Variants in ASH2L observed in about 807,000 individuals in gnomAD.
ASH2L encodes the protein ASH2 like, histone lysine methyltransferase complex subunit.
ASH2L carries 30 observed loss-of-function variants against 81.1 expected under a neutral mutation model. The ratio of observed to expected loss-of-function variants is 0.37; its 90% CI spans 0.28 to 0.50. The LOEUF (loss-of-function observed/expected upper bound fraction) is 0.50, where lower values mean the gene tolerates loss of function less well. Among genes scored for constraint, ASH2L ranks in the 20% least tolerant of loss-of-function variants. ASH2L has a pLI of 0.95. For missense variants in ASH2L, 559 were observed against 792.1 expected (o/e 0.71, Z 3.53); for synonymous variants, 273 against 279.9 (o/e 0.98, Z 0.24).
Position 38,139,177 on chromosome 8 carries a change from C to T in ASH2L, c.*106C>T, listed in dbSNP as rs906157098. On this transcript the variant is annotated 3_prime_UTR_variant, in exon 16 of 16. Coordinates refer to ENST00000343823, the MANE Select transcript of ASH2L (RefSeq NM_004674.5). ...TCTCCCAAAGATGCTAAAAACACAG[C>T]CTCTCCTTTTAGCAAGTTAAAAGGC... 5 of 919,732 alleles carry T rather than the reference C, an allele frequency of 5.4e-6. No individual in the cohort carries two copies. The highest frequency in any genetic ancestry group is 5.0e-5 in the African/African-American group (3 of 59,844). The allele number at this position is 919,732 out of a possible 1,614,324, so 57.0% of individuals were successfully genotyped here. A position where few individuals can be genotyped will look rare whatever the true frequency, so the allele number is the denominator to read the frequency against.
intron 7 of ASH2L, 32 bp downstream of exon 7, chr8:38,115,032 A>G (rs1200422584): frequency 1.4e-6 from 2 of 1,422,526 alleles, no homozygotes; most frequent in African/African-American, 1.4e-5. Flanking sequence ...TTTCTTTTTG[A>G]TTTTAAGCCA....
At position 38,105,595 on chromosome 8, in the gene ASH2L, G is replaced by A. The variant is rs765620872; in HGVS notation, c.45G>A (p.Gly15=). Residue 15 remains glycine (G), a synonymous_variant, in exon 1 of 16, where the codon GGG becomes GGA. Coordinates refer to ENST00000343823, the MANE Select transcript of ASH2L (RefSeq NM_004674.5). ...GAGPGQEAGA[G]PGPGAVANAT... Reference sequence around the variant, plus strand: ...GACCTGGCCAGGAAGCGGGTGCCGGGCCTGGCCCAGGAGCGGTCGCAAATG... The same window carrying A: ...GACCTGGCCAGGAAGCGGGTGCCGGACCTGGCCCAGGAGCGGTCGCAAATG... 3.8e-6 allele frequency: 6 copies of A among 1,596,838 alleles called. No homozygotes were observed. The highest frequency in any genetic ancestry group is 1.7e-5 in the Admixed American group (1 of 58,452).
At chr8:38,134,879 G>T (rs1000952278) in intron 13 of ASH2L, among the ~76,000 whole-genome samples, 1 of 152,162 alleles carries the variant, frequency 6.6e-6, no homozygotes, top group African/African-American at 2.4e-5. Context: ...GATATTCAGT[G>T]TAATTCTGGG....
intron 14 of ASH2L, among the ~76,000 whole-genome samples, chr8:38,137,264 C>T (rs1416131202): frequency 2.0e-5 from 3 of 150,310 alleles, no homozygotes; most frequent in Non-Finnish European, 4.4e-5. Flanking sequence ...AGCCGGGCAT[C>T]GGCCGGGTGT....
chr8:38,116,558 G>A, intron 7 of ASH2L, 92 bp from the exon 8 acceptor site: 6 of 999,540 alleles, frequency 6.0e-6, no homozygotes, highest in Non-Finnish European at 9.2e-6. Flanking sequence ...GTCAATTTTA[G>A]TTCCCATTCT....
chr8:38,112,925 T>C (rs1810746058), intron 5 of ASH2L, among the ~76,000 whole-genome samples: 2 of 152,152 alleles, frequency 1.3e-5, no homozygotes, highest in Admixed American at 6.6e-5. Context: ...TCACTGTGGA[T>C]TATTTTTTAA....
In ASH2L at chr8:38,128,453, C is replaced by T; in HGVS notation, c.1328C>T (p.Pro443Leu). Residue 443 changes from proline (P) to leucine (L), a missense_variant, in exon 11 of 16, where the codon CCC becomes CTC. By Grantham distance (98) the Pro-to-Leu change is moderately conservative. Transcript: ENST00000343823. ...GCTGCCAGACTGGGTTGGTCCCAGC[C>T]CCTAGGTAAGCTGGGGCCTTAATAT... The part of the protein sequence containing the change: ...DTAARLGWSQ[P>L]LGNLQAPLGY... The T allele has an allele frequency of 6.2e-7, 1 of 1,613,472 alleles. No homozygotes were observed. Among genetic ancestry groups the T allele is most frequent in the African/African-American group, 1.3e-5 (1 of 74,966 alleles).
chr8:38,135,831 A>G (rs1802229484), intron 14 of ASH2L, 65 bp downstream of exon 14: 8 of 1,285,898 alleles, frequency 6.2e-6, no homozygotes, highest in Non-Finnish European at 7.7e-6. Context: ...TTGTGATGAC[A>G]AAGTTACTGA....
chr8:38,135,556 G>A (rs1193449068), intron 13 of ASH2L, 112 bp from the exon 14 acceptor site: 2 of 693,470 alleles, frequency 2.9e-6, no homozygotes, highest in South Asian at 1.9e-5. Context: ...ACTGTTCTTG[G>A]GTGAGTGACT....
rs1348780938 is a variant in ASH2L at position 38,139,717 on chromosome 8, T to G, written c.*646T>G. On this transcript the variant is annotated 3_prime_UTR_variant, in exon 16 of 16. Transcript: ENST00000343823. ...TTTTGAAGTTTATGTGACACTTTGC[T>G]TCCCTTCAGATTGGGTGCCTCTTGG... is the stretch of plus-strand genomic sequence containing the variant. The G allele has an allele frequency of 6.6e-6, 1 of 152,202 alleles. No individual in the cohort carries two copies. The highest frequency in any genetic ancestry group is 6.6e-5 in the Admixed American group (1 of 15,262). The allele number at this position is 152,202 out of a possible 1,614,324, so 9.4% of individuals were successfully genotyped here. A position where few individuals can be genotyped will look rare whatever the true frequency, so the allele number is the denominator to read the frequency against.
At chr8:38,105,494 A>G, upstream of ASH2L, 1 of 1,466,840 alleles carries the variant, frequency 6.8e-7, no homozygotes, top group Non-Finnish European at 9.1e-7. Flanking sequence ...ACAGCGTCAC[A>G]CAGCAACGCG....
intron 12 of ASH2L, 64 bp from the exon 13 acceptor site, chr8:38,133,390 C>A: frequency 8.8e-7 from 1 of 1,130,532 alleles, no homozygotes; most frequent in South Asian, 1.3e-5. Flanking sequence ...TGTGCGGATG[C>A]GTTTTTTTCA....
intron 10 of ASH2L, 85 bp downstream of exon 10, chr8:38,121,234 A>G: frequency 3.2e-6 from 4 of 1,262,850 alleles, no homozygotes; most frequent in East Asian, 2.4e-5. Flanking sequence ...TTAGGTGTAC[A>G]TCTCAGTCTG....
chr8:38,120,978 T>G lies in ASH2L; in HGVS notation c.994T>G (p.Leu332Val). The change falls in exon 10 of 16, where the codon TTG (leucine) becomes GTG (valine). Residue 332 changes from leucine to valine, a missense_variant. By Grantham distance (32) the Leu-to-Val change is conservative. Around this residue, in one of 4 missense-constraint regions of ASH2L, gnomAD observed 318 missense variants for 527.0 expected, o/e 0.60. Coordinates refer to ENST00000343823, the MANE Select transcript of ASH2L (RefSeq NM_004674.5). The part of the protein sequence containing the change: ...AQRLPPHGYP[L>V]EHPFNKDGYR... ...GCGCCTTCCCCCTCATGGCTACCCA[T>G]TGGAACACCCGTTTAACAAAGATGG... is the stretch of plus-strand genomic sequence containing the variant. 1 of 1,613,670 alleles carries G rather than the reference T, an allele frequency of 6.2e-7. No homozygotes were observed. The highest frequency in any genetic ancestry group is 8.5e-7 in the Non-Finnish European group (1 of 1,179,890).
chr8:38,125,952 C>T (rs886529973), intron 10 of ASH2L, among the ~76,000 whole-genome samples: 2 of 152,090 alleles, frequency 1.3e-5, no homozygotes, highest in Admixed American at 6.6e-5. Context: ...ACCTGTAATC[C>T]CAGCACTTTG....
intron 10 of ASH2L, chr8:38,124,681 T>C (rs1801763522): frequency 6.6e-6 from 1 of 152,282 alleles, no homozygotes; most frequent in Non-Finnish European, 1.5e-5. Flanking sequence ...GTGGAAGTCA[T>C]GGGGTTCTCC....
rs868755745 is a variant in ASH2L, at chr8:38,133,668, C to T, written c.1620+122C>T. 5.5e-5 allele frequency: 40 copies of T among 730,222 alleles called. 1 individual carries two copies. In the South Asian group the frequency reaches 6.6e-4, roughly 12 times the overall value. 45.2% of individuals were successfully genotyped at this position (730,222 alleles called of 1,614,324 possible). A position where few individuals can be genotyped will look rare whatever the true frequency, so the allele number is the denominator to read the frequency against. On this transcript the variant is annotated intron_variant, in intron 13 of 15. Transcript: ENST00000343823. ...AATGAAGGGGCATCTGGTAGCCCCA[C>T]TGGCCAGCGGCAAGCTCACCCTCTG...
intron 1 of ASH2L, 133 bp from the exon 2 acceptor site, chr8:38,106,245 G>C: frequency 7.3e-7 from 1 of 1,371,660 alleles, no homozygotes; most frequent in East Asian, 2.4e-5. Context: ...TGGGCATCCA[G>C]TCTGAGATCA....
At chr8:38,110,627 G>T in intron 4 of ASH2L, 112 bp from the exon 5 acceptor site, 1 of 1,146,490 alleles carries the variant, frequency 8.7e-7, no homozygotes, top group Non-Finnish European at 1.3e-6. Flanking sequence ...GTCACATGAT[G>T]ACTCCATTTT....
Sources: allele counts gnomAD v4.1 joint callset (sites outside exome capture counted in the v4.1 genomes callset), GRCh38; gene constraint gnomAD v4.1.1; regional missense constraint gnomAD v4.1.1; transcripts MANE v1.5; gene names NCBI Gene and HGNC (gene_info 2026-07-23, HGNC 2026-07-21).